Variants in RPGRIP1L observed in about 807,000 individuals in gnomAD.
The protein encoded by RPGRIP1L is protein fantom.
RPGRIP1L carries 131 observed loss-of-function variants against 160.4 expected under a neutral mutation model. The ratio of observed to expected loss-of-function variants is 0.82; its 90% CI spans 0.71 to 0.94. The LOEUF is 0.94. Ranked by LOEUF, RPGRIP1L falls within the 40% of genes least tolerant of loss-of-function variation. The pLI is 0.00. For synonymous variants in RPGRIP1L, 510 were observed against 515.8 expected (o/e 0.99, Z 0.15); for missense variants, 1,522 against 1,535.8 (o/e 0.99, Z 0.15).
chr16:53,668,568 A>C (rs979677425), intron 9 of RPGRIP1L, among the ~76,000 whole-genome samples: 1 of 152,124 alleles, frequency 6.6e-6, no homozygotes, highest in Admixed American at 6.6e-5. Context: ...AGCTCTGAAG[A>C]GGTGGTGAAA....
At chr16:53,604,193 A>T (rs1343911437) in intron 26 of RPGRIP1L, among the ~76,000 whole-genome samples, 1 of 152,220 alleles carries the variant, frequency 6.6e-6, no homozygotes, top group African/African-American at 2.4e-5. Flanking sequence ...AAGATTTCCC[A>T]GAAGAAGTTT....
intron 15 of RPGRIP1L, among the ~76,000 whole-genome samples, chr16:53,652,106 G>A (rs539874794): frequency 3.3e-5 from 5 of 151,994 alleles, no homozygotes; most frequent in Non-Finnish European, 5.9e-5. Context: ...AAGAGCGAAA[G>A]CTCTTGTTAT....
Position 53,671,584 on chromosome 16 carries a change from C to T in RPGRIP1L, c.1030-1G>A. 6.7e-7 allele frequency: 1 copy of T among 1,482,104 alleles called. No homozygotes were observed. The highest frequency in any genetic ancestry group is 9.4e-7 in the Non-Finnish European group (1 of 1,069,200). 91.8% of individuals were successfully genotyped at this position (1,482,104 alleles called of 1,614,324 possible). A position where few individuals can be genotyped will look rare whatever the true frequency, so the allele number is the denominator to read the frequency against. On this transcript the variant is annotated splice_acceptor_variant, in intron 8 of 26. Coordinates refer to ENST00000647211, the MANE Select transcript of RPGRIP1L (RefSeq NM_015272.5). LOFTEE classifies it high-confidence loss of function. ...CTAAATCATTAATTCTATCCTGCAG[C>T]TAAAATGAAAATAAAATTACATATT...
chr16:53,687,888 C>T lies in RPGRIP1L; in HGVS notation c.607G>A (p.Glu203Lys). The change falls in exon 5 of 27, where the codon GAA becomes AAA. Residue 203 changes from glutamate to lysine, a missense_variant. Glu to Lys is a moderately conservative substitution (Grantham distance 56). Transcript: ENST00000647211. Reference protein sequence around the residue: ...FTKYGNSLLEEARGEIRNLEN... With the variant: ...FTKYGNSLLEKARGEIRNLEN... ...AAATTTCTTATTTCTCCTCTGGCTTCTTCAAGTAAACTGTTGCCATATTTT... is the reference window on the plus strand; with the variant it reads ...AAATTTCTTATTTCTCCTCTGGCTTTTTCAAGTAAACTGTTGCCATATTTT... 4 of 1,609,866 alleles carry T rather than the reference C, an allele frequency of 2.5e-6. No individual in the cohort carries two copies. Among genetic ancestry groups the T allele is most frequent in the Non-Finnish European group, 3.4e-6 (4 of 1,176,578 alleles).
intron 24 of RPGRIP1L, among the ~76,000 whole-genome samples, chr16:53,613,403 G>C (rs1964175039): frequency 6.6e-6 from 1 of 151,674 alleles, no homozygotes; most frequent in Non-Finnish European, 1.5e-5. Context: ...TCGAACTCCT[G>C]GGCTCAACTG....
intron 6 of RPGRIP1L, among the ~76,000 whole-genome samples, chr16:53,686,123 A>G (rs1969990845): frequency 6.6e-6 from 1 of 152,226 alleles, no homozygotes; most frequent in African/African-American, 2.4e-5. Context: ...TATTTCTCTC[A>G]GTAGTTATAA....
intron 2 of RPGRIP1L, among the ~76,000 whole-genome samples, chr16:53,698,731 C>T (rs1165189148): frequency 2.0e-5 from 3 of 146,368 alleles, no homozygotes; most frequent in Non-Finnish European, 4.5e-5. Flanking sequence ...GGGTCAGCAC[C>T]CCGCCCGGCC....
intron 14 of RPGRIP1L, among the ~76,000 whole-genome samples, chr16:53,655,181 C>T (rs1337261600): frequency 2.0e-5 from 3 of 152,146 alleles, no homozygotes; most frequent in South Asian, 2.1e-4. Flanking sequence ...AAGCCAGTCT[C>T]TAAGAAGATT....
chr16:53,618,934 G>T, intron 24 of RPGRIP1L, 91 bp downstream of exon 24: 1 of 1,055,560 alleles, frequency 9.5e-7, no homozygotes, highest in South Asian at 1.4e-5. Flanking sequence ...GTGAATATTA[G>T]AGAAATAAAC....
At chr16:53,675,899 A>T (rs187965873) in intron 6 of RPGRIP1L, among the ~76,000 whole-genome samples, 16 of 152,302 alleles carry the variant, frequency 1.1e-4, no homozygotes, top group African/African-American at 3.6e-4. Flanking sequence ...TATTTTCTTG[A>T]CAGAGAAAAG....
chr16:53,603,988 G>T (rs532351987), intron 26 of RPGRIP1L, among the ~76,000 whole-genome samples: 1 of 152,160 alleles, frequency 6.6e-6, no homozygotes, highest in Non-Finnish European at 1.5e-5. Flanking sequence ...TCTCTCAGAA[G>T]AAGATGGGTT....
chr16:53,622,473 A>G (rs1846886308), intron 22 of RPGRIP1L, 117 bp from the exon 23 acceptor site: 1 of 495,698 alleles, frequency 2.0e-6, no homozygotes, highest in Non-Finnish European at 3.6e-6. Context: ...CCCCAATCCT[A>G]TTCATACTGT....
chr16:53,678,017 A>G (rs1242971387), intron 6 of RPGRIP1L, among the ~76,000 whole-genome samples: 2 of 152,224 alleles, frequency 1.3e-5, no homozygotes, highest in African/African-American at 4.8e-5. Context: ...ATGATCTGCA[A>G]ACAGATATCA....
intron 22 of RPGRIP1L, among the ~76,000 whole-genome samples, chr16:53,626,466 C>A (rs1015918123): frequency 6.6e-6 from 1 of 151,936 alleles, no homozygotes; most frequent in Admixed American, 6.6e-5. Flanking sequence ...CACCAATTAC[C>A]CTATTAGCAT....
chr16:53,679,260 T>C (rs1969431581), intron 6 of RPGRIP1L, among the ~76,000 whole-genome samples: 1 of 152,116 alleles, frequency 6.6e-6, no homozygotes, highest in South Asian at 2.1e-4. Context: ...AAAATCACAC[T>C]CAGTGGAAGG....
At chr16:53,616,572 A>T (rs1166516669) in intron 24 of RPGRIP1L, among the ~76,000 whole-genome samples, 1 of 152,204 alleles carries the variant, frequency 6.6e-6, no homozygotes, top group Non-Finnish European at 1.5e-5. Flanking sequence ...ATTATTTTCA[A>T]TTAATCTTGA....
intron 1 of RPGRIP1L, among the ~76,000 whole-genome samples, chr16:53,702,693 T>C (rs1372794832): frequency 6.6e-6 from 1 of 151,668 alleles, no homozygotes; most frequent in Non-Finnish European, 1.5e-5. Context: ...TTTTCTTTTT[T>C]TTTTTTTTGA....
chr16:53,652,742 G>A lies in RPGRIP1L; in HGVS notation c.1945C>T (p.Arg649Ter), dbSNP rs751477523. The A allele has an allele frequency of 9.9e-6, 16 of 1,614,062 alleles. No individual in the cohort carries two copies. Among genetic ancestry groups the A allele is most frequent in the South Asian group, 4.4e-5 (4 of 91,086 alleles). ...AAGTTATATTCGGGATGAAGGCCTCGCACTACGGGAGTTGTCTGTAGTTCA... is the reference window on the plus strand; with the variant it reads ...AAGTTATATTCGGGATGAAGGCCTCACACTACGGGAGTTGTCTGTAGTTCA... ...DFELQTTPVV[R>*]GLHPEYNFTS... The change falls in exon 15 of 27, where the codon CGA becomes TGA. Residue 649 changes from arginine to a stop codon, truncating the protein, a stop_gained. Coordinates refer to ENST00000647211, the MANE Select transcript of RPGRIP1L (RefSeq NM_015272.5). LOFTEE classifies it high-confidence loss of function.
intron 3 of RPGRIP1L, chr16:53,693,185 T>C (rs1407350757): frequency 6.6e-6 from 1 of 152,226 alleles, no homozygotes; most frequent in Non-Finnish European, 1.5e-5. Context: ...AAAGGTGGCT[T>C]TGATGAGAGA....
Sources: gnomAD v4.1 joint callset for allele counts (sites outside exome capture counted in the v4.1 genomes callset) on GRCh38, gnomAD v4.1.1 for gene constraint, MANE v1.5 for transcripts, NCBI Gene and HGNC (gene_info 2026-07-23, HGNC 2026-07-21) for gene names.